Variants in PRDM5 observed in about 807,000 individuals in gnomAD.
PRDM5 encodes PR domain zinc finger protein 5.
A neutral mutation model predicts 81.2 loss-of-function variants in PRDM5; 56 were observed. That is an observed-to-expected ratio of 0.69 (90% CI 0.56 to 0.86). The LOEUF (loss-of-function observed/expected upper bound fraction) is 0.86. Ranked by LOEUF, PRDM5 falls within the 40% of genes least tolerant of loss-of-function variation. PRDM5 has a pLI of 0.00. For missense variants in PRDM5, 697 were observed against 770.1 expected (o/e 0.91, Z 1.12); for synonymous variants, 267 against 256.4 (o/e 1.04, Z -0.39).
rs889426404 is a variant in PRDM5, at chr4:120,853,423, T to C, written c.295A>G (p.Ile99Val). 1.2e-6 allele frequency: 2 copies of C among 1,613,750 alleles called. No individual in the cohort carries two copies. Among genetic ancestry groups the C allele is most frequent in the Admixed American group, 3.3e-5 (2 of 60,012 alleles). The change falls in exon 3 of 16, where the codon ATT (isoleucine) becomes GTT (valine). Residue 99 changes from isoleucine to valine, a missense_variant. Coordinates refer to ENST00000264808, the MANE Select transcript of PRDM5 (RefSeq NM_018699.4). ...TGAGAAGCAAATAAGCTCACTTGAA[T>C]GGCAGCCAAGTTCTTCTGCTCCTGA... is the stretch of plus-strand genomic sequence containing the variant. ...PSQEQKNLAA[I>V]QEGENIFYLA...
At chr4:120,812,748 C>A in intron 7 of PRDM5, 1 of 389,568 alleles carries the variant, frequency 2.6e-6, no homozygotes. Context: ...TTTGAGACAT[C>A]TTCACAGCTT....
chr4:120,839,600 T>C (rs958012716), intron 3 of PRDM5, among the ~76,000 whole-genome samples: 9 of 152,162 alleles, frequency 5.9e-5, no homozygotes, highest in Non-Finnish European at 1.0e-4. Context: ...CAGGCAGTCA[T>C]GGGCAGGCCC....
chr4:120,773,545 C>T (rs1747606788), intron 13 of PRDM5, among the ~76,000 whole-genome samples: 1 of 152,224 alleles, frequency 6.6e-6, no homozygotes, highest in African/African-American at 2.4e-5. Flanking sequence ...CAGAATCACG[C>T]ATGGGTAAAA....
rs1748956236 is a variant in PRDM5, at chr4:120,781,009, T to C, written c.1443+134A>G. ...AAGTGAACATTGTCTGAAGAGCTGA[T>C]ATAAATCATGCATTTGTCATTTTGA... On this transcript the variant is annotated intron_variant, in intron 12 of 15. Transcript: ENST00000264808. 1.7e-5 allele frequency: 14 copies of C among 818,794 alleles called. No individual in the cohort carries two copies. The South Asian group carries it at 2.3e-4, about 14-fold the overall frequency. 50.7% of individuals were successfully genotyped at this position (818,794 alleles called of 1,614,324 possible).
At chr4:120,780,476 T>C (rs1028660852) in intron 12 of PRDM5, among the ~76,000 whole-genome samples, 3 of 152,126 alleles carry the variant, frequency 2.0e-5, no homozygotes, top group Non-Finnish European at 4.4e-5. Context: ...ATTAAAACCT[T>C]TAAGTGTATT....
At chr4:120,821,455 CTT>C in intron 3 of PRDM5, 110 bp from the exon 4 acceptor site, 1 of 1,082,758 alleles carries the variant, frequency 9.2e-7, no homozygotes, top group Non-Finnish European at 1.3e-6. Flanking sequence ...AAAGTTATTA[CTT>C]TTTTTTATTT....
chr4:120,921,885 A>G (rs780087252), intron 1 of PRDM5, among the ~76,000 whole-genome samples: 1 of 151,846 alleles, frequency 6.6e-6, no homozygotes, highest in African/African-American at 2.4e-5. Flanking sequence ...AAGAGCGGAG[A>G]AAAAAGGTAT....
chr4:120,821,069 G>T, intron 4 of PRDM5, 102 bp downstream of exon 4: 1 of 1,304,750 alleles, frequency 7.7e-7, no homozygotes, highest in Non-Finnish European at 1.1e-6. Context: ...AACTTTATTT[G>T]AGAATGCCAT....
chr4:120,815,723 C>T (rs926740419), intron 7 of PRDM5, among the ~76,000 whole-genome samples: 1 of 152,162 alleles, frequency 6.6e-6, no homozygotes, highest in East Asian at 1.9e-4. Flanking sequence ...GAGAAGAACA[C>T]ACAGGGTTTC....
At chr4:120,718,451 A>T (rs1273186313) in intron 14 of PRDM5, among the ~76,000 whole-genome samples, 1 of 152,230 alleles carries the variant, frequency 6.6e-6, no homozygotes, top group Non-Finnish European at 1.5e-5. Context: ...GACATATTTC[A>T]TCAGATAATT....
intron 2 of PRDM5, among the ~76,000 whole-genome samples, chr4:120,863,968 T>C (rs1017125517): frequency 6.6e-6 from 1 of 152,224 alleles, no homozygotes; most frequent in Admixed American, 6.5e-5. Flanking sequence ...AGGAAATAAA[T>C]GGTGACTGTA....
intron 1 of PRDM5, among the ~76,000 whole-genome samples, chr4:120,915,371 G>A (rs1377471271): frequency 6.6e-6 from 1 of 152,188 alleles, no homozygotes. Flanking sequence ...TGAAGGTATA[G>A]AACTACAGCA....
At position 120,714,180 on chromosome 4, in the gene PRDM5, G is replaced by C. The variant is rs769430493; in HGVS notation, c.1624-3767C>G. On this transcript the variant is annotated intron_variant, in intron 14 of 15. Transcript: ENST00000264808. ...TGATTAACAATTTCTTTACTTTTCA[G>C]GCTTTTTTATGTATCTGATTTTCCA... is the stretch of plus-strand genomic sequence containing the variant. Among the ~76,000 whole-genome samples, 14 of 152,156 alleles carry C rather than the reference G, an allele frequency of 9.2e-5. 1 individual carries two copies. In the South Asian group the frequency reaches 2.5e-3, roughly 27 times the overall value.
chr4:120,845,345 GCTGA>G (rs1234463535), intron 3 of PRDM5, among the ~76,000 whole-genome samples: 1 of 152,216 alleles, frequency 6.6e-6, no homozygotes, highest in African/African-American at 2.4e-5. Context: ...CAAAGGACAG[GCTGA>G]CTATCTTGTT....
At chr4:120,712,060 C>T (rs191713479) in intron 14 of PRDM5, among the ~76,000 whole-genome samples, 18 of 151,936 alleles carry the variant, frequency 1.2e-4, no homozygotes, top group East Asian at 5.8e-4. Flanking sequence ...CCAAGGCGGA[C>T]GAATTATCTG....
intron 2 of PRDM5, among the ~76,000 whole-genome samples, chr4:120,901,451 T>C (rs1052289545): frequency 6.6e-6 from 1 of 152,182 alleles, no homozygotes; most frequent in Non-Finnish European, 1.5e-5. Flanking sequence ...GAGACAGACG[T>C]AGGAAAATAA....
chr4:120,782,297 A>G (rs940238266), intron 11 of PRDM5, among the ~76,000 whole-genome samples: 1 of 152,198 alleles, frequency 6.6e-6, no homozygotes, highest in Non-Finnish European at 1.5e-5. Context: ...TATTGATAAC[A>G]AGGCAAAATT....
At chr4:120,868,388 CA>C (rs1187776536) in intron 2 of PRDM5, among the ~76,000 whole-genome samples, 1 of 152,078 alleles carries the variant, frequency 6.6e-6, no homozygotes, top group Non-Finnish European at 1.5e-5. Context: ...AGGATAAAAA[CA>C]AAAAGCTACA....
chr4:120,787,726 T>C (rs562524784), intron 10 of PRDM5, among the ~76,000 whole-genome samples: 1 of 152,252 alleles, frequency 6.6e-6, no homozygotes, highest in South Asian at 2.1e-4. Flanking sequence ...GATTAGCCAC[T>C]AACAGATATG....
Sources: allele counts gnomAD v4.1 joint callset (sites outside exome capture counted in the v4.1 genomes callset), GRCh38; gene constraint gnomAD v4.1.1; transcripts MANE v1.5; gene names NCBI Gene and HGNC (gene_info 2026-07-23, HGNC 2026-07-21).